Variants in RGS8 observed in about 807,000 individuals in gnomAD.
RGS8 encodes the protein regulator of G-protein signaling 8.
RGS8 carries 8 observed loss-of-function variants against 21.7 expected under a neutral mutation model. That is an observed-to-expected ratio of 0.37 (90% CI 0.22 to 0.66). The LOEUF is 0.66. Among genes scored for constraint, RGS8 ranks in the 30% least tolerant of loss-of-function variants. RGS8 has a pLI of 0.59. For missense variants in RGS8, 157 were observed against 217.9 expected (o/e 0.72, Z 1.76); for synonymous variants, 80 against 83.6 (o/e 0.96, Z 0.24).
chr1:182,705,172 TC>T, the RGS8 span, among the ~76,000 whole-genome samples: 1 of 152,126 alleles, frequency 6.6e-6, no homozygotes, highest in African/African-American at 2.4e-5. Context: ...GGCTGAGAAG[TC>T]CCAGAGTCTG....
chr1:182,716,767 C>T, the RGS8 span, among the ~76,000 whole-genome samples: 2 of 152,026 alleles, frequency 1.3e-5, no homozygotes, highest in Non-Finnish European at 2.9e-5. Context: ...GTTTGAATTC[C>T]GGCCCTGCCA....
At chr1:182,705,709 T>C in the RGS8 span, among the ~76,000 whole-genome samples, 35 of 135,466 alleles carry the variant, frequency 2.6e-4, 2 homozygotes, top group African/African-American at 8.9e-4. Flanking sequence ...ATGTGTAGGG[T>C]GAAGTTCCAT....
At chr1:182,751,007 G>A in the RGS8 span, among the ~76,000 whole-genome samples, 1 of 152,206 alleles carries the variant, frequency 6.6e-6, no homozygotes, top group African/African-American at 2.4e-5. Flanking sequence ...TTGAAGAATG[G>A]ATAACATTTT....
At chr1:182,715,074 T>G in the RGS8 span, among the ~76,000 whole-genome samples, 12 of 152,216 alleles carry the variant, frequency 7.9e-5, no homozygotes, top group Non-Finnish European at 1.3e-4. Flanking sequence ...AAGAGACAAC[T>G]GTTGTATGGG....
chr1:182,692,925 T>C, the RGS8 span, among the ~76,000 whole-genome samples: 1 of 152,182 alleles, frequency 6.6e-6, no homozygotes, highest in Non-Finnish European at 1.5e-5. Flanking sequence ...TGACTAACCA[T>C]ATACAGAAGA....
the RGS8 span, among the ~76,000 whole-genome samples, chr1:182,713,856 A>G: frequency 6.6e-6 from 1 of 152,192 alleles, no homozygotes; most frequent in South Asian, 2.1e-4. Flanking sequence ...GTCACTTTTT[A>G]AAGTAATTTT....
the RGS8 span, among the ~76,000 whole-genome samples, chr1:182,741,492 C>CG: frequency 8.3e-6 from 1 of 121,012 alleles, no homozygotes; most frequent in South Asian, 2.8e-4. Context: ...GCTGGCCGGG[C>CG]GGGGGGCTGA....
At chr1:182,728,156 T>C in the RGS8 span, among the ~76,000 whole-genome samples, 4 of 152,228 alleles carry the variant, frequency 2.6e-5, no homozygotes, top group African/African-American at 7.2e-5. Flanking sequence ...AGAAATGACA[T>C]TGAAGCAGGC....
At chr1:182,669,742 C>A in exon 3 of RGS8, 1 of 1,597,258 alleles carries the variant, frequency 6.3e-7, no homozygotes. Flanking sequence ...TACCCTTGCA[C>A]GTCCTCTCAC....
the RGS8 span, among the ~76,000 whole-genome samples, chr1:182,710,553 A>G: frequency 7.9e-5 from 12 of 152,178 alleles, no homozygotes; most frequent in Non-Finnish European, 1.5e-4. Context: ...ATAACCCTAC[A>G]GCAAAGATCC....
chr1:182,662,412 C>T (rs1663635748), intron 5 of RGS8, among the ~76,000 whole-genome samples: 2 of 152,206 alleles, frequency 1.3e-5, no homozygotes, highest in Admixed American at 1.3e-4. Context: ...CCTCCTCCTA[C>T]TCCAGATGCT....
chr1:182,694,482 T>C, the RGS8 span, among the ~76,000 whole-genome samples: 9 of 152,264 alleles, frequency 5.9e-5, no homozygotes, highest in Admixed American at 1.3e-4. Context: ...GATCATCAAT[T>C]GTTTATTTTT....
chr1:182,679,917 C>T (rs75153520), intron 1 of RGS8, among the ~76,000 whole-genome samples: 5,932 of 152,210 alleles, frequency 0.039, 137 homozygotes, highest in Middle Eastern at 0.061. Flanking sequence ...GTAACTCAAG[C>T]CAGAAATAGG....
exon 4 of RGS8, chr1:182,666,879 C>T (rs768666544): frequency 7.7e-5 from 124 of 1,613,262 alleles, no homozygotes; most frequent in Non-Finnish European, 9.8e-5. Context: ...CACTTGAGAG[C>T]GCGGTTGGGT....
At chr1:182,690,527 T>C in the RGS8 span, among the ~76,000 whole-genome samples, 7 of 152,332 alleles carry the variant, frequency 4.6e-5, no homozygotes, top group East Asian at 3.9e-4. Context: ...GGGCGAGTCA[T>C]TTAAATTCTT....
intron 5 of RGS8, among the ~76,000 whole-genome samples, chr1:182,655,290 T>C (rs76567951): frequency 0.074 from 11,183 of 152,110 alleles, 779 homozygotes; most frequent in African/African-American, 0.17. Flanking sequence ...AGGAGAGGAC[T>C]CCCACTGTAG....
upstream of RGS8, among the ~76,000 whole-genome samples, chr1:182,676,729 T>C (rs1160708405): frequency 2.0e-5 from 3 of 152,178 alleles, no homozygotes; most frequent in East Asian, 5.8e-4. Flanking sequence ...CATGAGGTTT[T>C]CAAAGAAAAC....
chr1:182,666,061 A>G lies in RGS8; in HGVS notation c.129-28T>C, dbSNP rs536415852. ...AGAAAAAAAGAAACATCTGTCTTGA[A>G]TGTTTCTGAAATAACCTCCTTGCCC... is the stretch of plus-strand genomic sequence containing the variant. On this transcript the variant is annotated intron_variant, in intron 4 of 6. Coordinates refer to ENST00000483095, the Ensembl canonical transcript of RGS8. 5.1e-5 allele frequency: 81 copies of G among 1,603,582 alleles called. 1 individual carries two copies. The South Asian group carries it at 7.2e-4, about 14-fold the overall frequency.
At chr1:182,747,581 C>A in the RGS8 span, among the ~76,000 whole-genome samples, 1 of 152,140 alleles carries the variant, frequency 6.6e-6, no homozygotes, top group East Asian at 1.9e-4. Flanking sequence ...GGAGATTGGA[C>A]CCTACCAACT....
Sources: gnomAD v4.1 joint callset for allele counts (sites outside exome capture counted in the v4.1 genomes callset) on GRCh38, gnomAD v4.1.1 for gene constraint, MANE v1.5 for transcripts, NCBI Gene and HGNC (gene_info 2026-07-23, HGNC 2026-07-21) for gene names.